The following SRSF3 variants were observed in gnomAD, a reference collection of about 807,000 sequenced individuals.
The protein encoded by SRSF3 is serine and arginine rich splicing factor 3.
For synonymous variants in SRSF3, 87 were observed against 73.6 expected (o/e 1.18, Z -0.93); for missense variants, 58 against 217.1 (o/e 0.27, Z 4.61).
At chr6:36,596,264 T>C (rs1778625442) in intron 1 of SRSF3, among the ~76,000 whole-genome samples, 1 of 152,138 alleles carries the variant, frequency 6.6e-6, no homozygotes, top group Admixed American at 6.6e-5. Flanking sequence ...GGCCTTATTT[T>C]TATTAAAGCT....
At position 36,596,667 on chromosome 6, in the gene SRSF3, CTCTT is replaced by C. The variant is rs551511572; in HGVS notation, c.-2-93_-2-90del. On this transcript the variant is annotated intron_variant, in intron 1 of 5. Coordinates refer to ENST00000373715, the MANE Select transcript of SRSF3 (RefSeq NM_003017.5). ...TTTTCTTTACGTGCTACCTTAAACTCTCTTGTCCTCTCTAATGGAGTTCTTTCTA... is the reference window on the plus strand; with the variant it reads ...TTTTCTTTACGTGCTACCTTAAACTCGTCCTCTCTAATGGAGTTCTTTCTA... 193 of 1,154,602 alleles carry C rather than the reference CTCTT, an allele frequency of 1.7e-4. 1 individual carries two copies. The South Asian group carries it at 2.3e-3, about 14-fold the overall frequency. The allele number at this position is 1,154,602 out of a possible 1,614,324, so 71.5% of individuals were successfully genotyped here.
chr6:36,598,736 G>T (rs9368942), intron 2 of SRSF3, 113 bp from the exon 3 acceptor site: 50 of 1,271,334 alleles, frequency 3.9e-5, no homozygotes, highest in Non-Finnish European at 5.2e-5. Context: ...ATGTTAAATT[G>T]CACAGACACT....
At chr6:36,599,994 T>C in intron 3 of SRSF3, 2 of 1,279,388 alleles carry the variant, frequency 1.6e-6, no homozygotes, top group Non-Finnish European at 2.0e-6. Context: ...GCATGCTGTT[T>C]TCTCTCAGCC....
In SRSF3 at chr6:36,603,432, C is replaced by T. The variant is rs949175800; in HGVS notation, c.*1443C>T. The T allele has an allele frequency of 4.5e-6, 1 of 223,954 alleles. No individual in the cohort carries two copies. Among genetic ancestry groups the T allele is most frequent in the African/African-American group, 2.2e-5 (1 of 44,826 alleles). The allele number at this position is 223,954 out of a possible 1,614,324, so 13.9% of individuals were successfully genotyped here. On this transcript the variant is annotated 3_prime_UTR_variant, in exon 6 of 6. Transcript: ENST00000373715. The stretch of plus-strand genomic sequence containing the variant: ...TTAGATTAAATCATAATGCAACAGT[C>T]TTGTGGCTTAGTTTCCTTAAATATG...
In SRSF3 at chr6:36,596,846, G is replaced by C. The variant is rs201620483; in HGVS notation, c.84G>C (p.Arg28=). The C allele has an allele frequency of 1.2e-6, 2 of 1,614,046 alleles. No homozygotes were observed. Among genetic ancestry groups the C allele is most frequent in the East Asian group, 4.5e-5 (2 of 44,882 alleles). The part of the protein sequence containing the change: ...GNNGNKTELE[R]AFGYYGPLRS... ...ATGGCAACAAGACGGAATTGGAACG[G>C]GCTTTTGGCTACTATGGACCACTCC... Residue 28 remains arginine (R), a synonymous_variant, in exon 2 of 6, where the codon CGG becomes CGC. Coordinates refer to ENST00000373715, the MANE Select transcript of SRSF3 (RefSeq NM_003017.5).
rs1475614390 is a variant in SRSF3 at position 36,597,107 on chromosome 6, T to TA, written c.206+139_206+140insA. The TA allele has an allele frequency of 1.1e-5, 8 of 747,888 alleles. No homozygotes were observed. The South Asian group carries it at 1.5e-4, about 14-fold the overall frequency. 46.3% of individuals were successfully genotyped at this position (747,888 alleles called of 1,614,324 possible). ...AGATACAATTGGGATCTTTTTTTTTTTTTTTTTTTTTGGTGGGGAGACGAG... is the reference window on the plus strand; with the variant it reads ...AGATACAATTGGGATCTTTTTTTTTTATTTTTTTTTTTGGTGGGGAGACGAG... On this transcript the variant is annotated intron_variant, in intron 2 of 5. Transcript: ENST00000373715.
At chr6:36,596,667 C>T (rs1778635566) in intron 1 of SRSF3, 94 bp from the exon 2 acceptor site, 1 of 1,154,606 alleles carries the variant, frequency 8.7e-7, no homozygotes. Context: ...ACCTTAAACT[C>T]TCTTGTCCTC....
Position 36,601,944 on chromosome 6 carries a change from T to C in SRSF3, c.468-18T>C, listed in dbSNP as rs777060139. ...ACAGATGTAATGTTTTGTTTTCTTT[T>C]TTTTTTTTTTTTTTTAGTCGATCTA... On this transcript the variant is annotated intron_variant, in intron 5 of 5. Coordinates refer to ENST00000373715, the MANE Select transcript of SRSF3 (RefSeq NM_003017.5). The C allele has an allele frequency of 1.3e-4, 186 of 1,413,180 alleles. No individual in the cohort carries two copies. The highest frequency in any genetic ancestry group is 2.4e-4 in the East Asian group (10 of 41,596). 87.5% of individuals were successfully genotyped at this position (1,413,180 alleles called of 1,614,324 possible).
In SRSF3 at chr6:36,601,102, C is replaced by T. The variant is rs370638996; in HGVS notation, c.342-50C>T. The T allele has an allele frequency of 2.2e-5, 34 of 1,568,472 alleles. 1 individual carries two copies. Among genetic ancestry groups the T allele is most frequent in the Non-Finnish European group, 3.0e-5 (34 of 1,150,026 alleles). ...TTGAAAAGTTGGGAAATGCCTCACG[C>T]CATAAATACTAATTGATGATGAGCC... On this transcript the variant is annotated intron_variant, in intron 3 of 5. Coordinates refer to ENST00000373715, the MANE Select transcript of SRSF3 (RefSeq NM_003017.5).
chr6:36,596,574 C>CGGGGGGGGGGGG (rs34650091), intron 1 of SRSF3, among the ~76,000 whole-genome samples, 187 bp from the exon 2 acceptor site: 52 of 91,902 alleles, frequency 5.7e-4, no homozygotes, highest in South Asian at 7.7e-4. Flanking sequence ...GGCGGGGTGG[C>CGGGGGGGGGGGG]GGGGGGGGGG....
In SRSF3 at chr6:36,597,097, CTTTTTTTT is replaced by C. The variant is rs35760494; in HGVS notation, c.206+143_206+150del. The C allele has an allele frequency of 1.3e-3, 476 of 362,966 alleles. 1 individual carries two copies. Among genetic ancestry groups the C allele is most frequent in the African/African-American group, 0.01 (331 of 32,714 alleles). 22.5% of individuals were successfully genotyped at this position (362,966 alleles called of 1,614,324 possible). On this transcript the variant is annotated intron_variant, in intron 2 of 5. Coordinates refer to ENST00000373715, the MANE Select transcript of SRSF3 (RefSeq NM_003017.5). ...TTGTATCTTTAGATACAATTGGGATCTTTTTTTTTTTTTTTTTTTTTGGTGGGGAGACG... is the reference window on the plus strand; with the variant it reads ...TTGTATCTTTAGATACAATTGGGATCTTTTTTTTTTTTTGGTGGGGAGACG...
chr6:36,596,681 A>C (rs1192260149), intron 1 of SRSF3, 80 bp from the exon 2 acceptor site: 2 of 1,287,220 alleles, frequency 1.6e-6, no homozygotes, highest in African/African-American at 1.5e-5. Context: ...TGTCCTCTCT[A>C]ATGGAGTTCT....
rs748836557 is a variant in SRSF3 at position 36,598,866 on chromosome 6, G to A, written c.224G>A (p.Arg75His). ...ELDGRTLCGC[R>H]VRVELSNGEK... ...CCCCTCAGAACACTATGTGGCTGCC[G>A]TGTAAGAGTGGAACTGTCGAATGGT... Residue 75 changes from arginine to histidine, a missense_variant, in exon 3 of 6, where the codon CGT becomes CAT. Arg to His is a conservative substitution (Grantham distance 29). Transcript: ENST00000373715. 2 of 1,613,254 alleles carry A rather than the reference G, an allele frequency of 1.2e-6. No individual in the cohort carries two copies. Among genetic ancestry groups the A allele is most frequent in the Non-Finnish European group, 1.7e-6 (2 of 1,179,894 alleles).
intron 2 of SRSF3, among the ~76,000 whole-genome samples, chr6:36,598,254 C>T (rs1454508516): frequency 6.6e-6 from 1 of 152,180 alleles, no homozygotes; most frequent in African/African-American, 2.4e-5. Context: ...TAACATTGAG[C>T]TCAGTAATCA....
At chr6:36,601,014 T>TC (rs1778706369) in intron 3 of SRSF3, 138 bp from the exon 4 acceptor site, 1 of 314,768 alleles carries the variant, frequency 3.2e-6, no homozygotes, top group Non-Finnish European at 5.2e-6. Flanking sequence ...TTTTTTTTTT[T>TC]TTTTTTTTTT....
intron 2 of SRSF3, among the ~76,000 whole-genome samples, chr6:36,597,382 A>C (rs1778648334): frequency 6.6e-6 from 1 of 152,204 alleles, no homozygotes; most frequent in South Asian, 2.1e-4. Flanking sequence ...CTGGAATTAC[A>C]GGTGGGAGCC....
intron 3 of SRSF3, 126 bp downstream of exon 3, chr6:36,599,109 T>C: frequency 4.1e-6 from 5 of 1,229,296 alleles, no homozygotes; most frequent in Non-Finnish European, 4.5e-6. Context: ...GTGAAACATT[T>C]GTTGGGTGTA....
At chr6:36,601,073 G>A in intron 3 of SRSF3, 79 bp from the exon 4 acceptor site, 1 of 1,097,036 alleles carries the variant, frequency 9.1e-7, no homozygotes, top group Non-Finnish European at 1.3e-6. Flanking sequence ...GCCCAACAGT[G>A]AGATTGAAAA....
rs35760494 is a variant in SRSF3 at position 36,597,097 on chromosome 6, C to CTTT, written c.206+148_206+150dup. ...TTGTATCTTTAGATACAATTGGGATCTTTTTTTTTTTTTTTTTTTTTGGTG... is the reference window on the plus strand; with the variant it reads ...TTGTATCTTTAGATACAATTGGGATCTTTTTTTTTTTTTTTTTTTTTTTTGGTG... On this transcript the variant is annotated intron_variant, in intron 2 of 5. Transcript: ENST00000373715. The CTTT allele has an allele frequency of 1.9e-3, 678 of 362,478 alleles. 22 individuals are homozygous for CTTT. Among genetic ancestry groups the CTTT allele is most frequent in the African/African-American group, 0.011 (345 of 32,674 alleles). 22.5% of individuals were successfully genotyped at this position (362,478 alleles called of 1,614,324 possible). A position where few individuals can be genotyped will look rare whatever the true frequency, so the allele number is the denominator to read the frequency against.
Sources: allele counts gnomAD v4.1 joint callset (sites outside exome capture counted in the v4.1 genomes callset), GRCh38; gene constraint gnomAD v4.1.1; transcripts MANE v1.5; gene names NCBI Gene and HGNC (gene_info 2026-07-23, HGNC 2026-07-21).